NOX4: variants seen among roughly 807,000 people sequenced by gnomAD.
The protein encoded by NOX4 is kidney oxidase-1.
Under a neutral mutation model 87.6 loss-of-function variants are expected in NOX4, and 69 were observed. That is an observed-to-expected ratio of 0.79 (90% CI 0.65 to 0.96). The LOEUF (loss-of-function observed/expected upper bound fraction) is 0.96. Ranked by LOEUF, NOX4 falls within the 40% of genes least tolerant of loss-of-function variation. The pLI, the probability that NOX4 is intolerant of heterozygous loss-of-function variation, is 0.00. For missense variants in NOX4, 680 were observed against 681.5 expected, an observed-to-expected ratio of 1.00 and a Z score of 0.02; for synonymous variants, 275 against 238.2, an observed-to-expected ratio of 1.15 and a Z score of -1.42.
chr11:89,335,204 C>T (rs946379041), intron 17 of NOX4, among the ~76,000 whole-genome samples: 14 of 151,730 alleles, frequency 9.2e-5, no homozygotes, highest in Non-Finnish European at 1.6e-4. Flanking sequence ...CAGTGCTCTG[C>T]ACTATGATAA....
chr11:89,450,197 C>T (rs1032858565), intron 3 of NOX4, among the ~76,000 whole-genome samples: 1 of 152,114 alleles, frequency 6.6e-6, no homozygotes. Flanking sequence ...GGATCAAAAC[C>T]TAGCAGTTTA....
chr11:89,426,155 T>C (rs1045557435), intron 7 of NOX4, among the ~76,000 whole-genome samples: 1 of 152,146 alleles, frequency 6.6e-6, no homozygotes, highest in Non-Finnish European at 1.5e-5. Flanking sequence ...AAACAAACAA[T>C]TTCTCCAAAG....
intron 7 of NOX4, 28 bp from the exon 8 acceptor site, chr11:89,422,010 T>C (rs1267157450): frequency 1.7e-6 from 2 of 1,176,062 alleles, no homozygotes; most frequent in Non-Finnish European, 2.5e-6. Context: ...CTCATTTTAA[T>C]GCTACTTTAC....
At position 89,326,384 on chromosome 11, in the gene NOX4, T is replaced by C. The variant is rs1945220536; in HGVS notation, c.*372A>G. ...ATTTTTAATTTTGTTCAATCTTGCATTTGTTCAACCAAAAACAATTTAAAG... is the reference window on the plus strand; with the variant it reads ...ATTTTTAATTTTGTTCAATCTTGCACTTGTTCAACCAAAAACAATTTAAAG... On this transcript the variant is annotated 3_prime_UTR_variant, in exon 18 of 18. Coordinates refer to ENST00000263317, the MANE Select transcript of NOX4 (RefSeq NM_016931.5). 1 of 156,330 alleles carries C rather than the reference T, an allele frequency of 6.4e-6. No individual in the cohort carries two copies. Among genetic ancestry groups the C allele is most frequent in the African/African-American group, 2.4e-5 (1 of 41,522 alleles). 9.7% of individuals were successfully genotyped at this position (156,330 alleles called of 1,614,324 possible).
chr11:89,336,566 G>A (rs7947257), intron 16 of NOX4, among the ~76,000 whole-genome samples: 11,201 of 151,950 alleles, frequency 0.074, 714 homozygotes, highest in African/African-American at 0.17. Flanking sequence ...AATTAACAGA[G>A]CATTAGATCT....
intron 11 of NOX4, among the ~76,000 whole-genome samples, chr11:89,395,929 A>T (rs1378805646): frequency 1.3e-5 from 2 of 152,164 alleles, no homozygotes; most frequent in Non-Finnish European, 2.9e-5. Context: ...GTTTGAAGTC[A>T]GGTAGCATGA....
At chr11:89,567,355 C>T in the NOX4 span, among the ~76,000 whole-genome samples, 7 of 152,200 alleles carry the variant, frequency 4.6e-5, no homozygotes, top group Admixed American at 3.3e-4. Flanking sequence ...AAGCACCTGC[C>T]TATGGCCTCT....
the NOX4 span, chr11:89,545,799 T>G: frequency 6.6e-6 from 1 of 151,982 alleles, no homozygotes; most frequent in African/African-American, 2.4e-5. Context: ...GAGTGTCAGA[T>G]TTAACCAATG....
chr11:89,332,187 G>C (rs922101981), intron 17 of NOX4, among the ~76,000 whole-genome samples: 1 of 141,222 alleles, frequency 7.1e-6, no homozygotes, highest in South Asian at 2.1e-4. Context: ...TTATTCACTC[G>C]TTGTATTACA....
rs768934585 is a variant in NOX4 at position 89,326,803 on chromosome 11, T to A, written c.1690A>T (p.Asn564Tyr). 3 of 1,613,304 alleles carry A rather than the reference T, an allele frequency of 1.9e-6. No homozygotes were observed. The African/African-American group carries it at 4.0e-5, about 22-fold the overall frequency. The change falls in exon 18 of 18, where the codon AAC becomes TAC. Residue 564 changes from asparagine to tyrosine, a missense_variant. Asn to Tyr is a moderately radical substitution (Grantham distance 143). Transcript: ENST00000263317. ...KTLHKLSNQN[N>Y]SYGTRFEYNK... is the part of the protein sequence containing the mutation. Reference sequence around the variant, plus strand: ...TATTCAAATCTTGTCCCATATGAGTTGTTCTGGTTACTCAGTTTATGAAGA... The same window carrying A: ...TATTCAAATCTTGTCCCATATGAGTAGTTCTGGTTACTCAGTTTATGAAGA...
intron 13 of NOX4, among the ~76,000 whole-genome samples, chr11:89,343,385 A>G (rs1946084695): frequency 1.3e-5 from 2 of 152,118 alleles, no homozygotes; most frequent in South Asian, 2.1e-4. Flanking sequence ...GAAATGGGCT[A>G]AGTCCAGTAT....
rs780900491 is a variant in NOX4 at position 89,400,248 on chromosome 11, C to G, written c.978G>C (p.Met326Ile). The G allele has an allele frequency of 8.1e-6, 13 of 1,612,802 alleles. No homozygotes were observed. The highest frequency in any genetic ancestry group is 1.1e-5 in the Non-Finnish European group (13 of 1,179,262). Residue 326 changes from methionine (M) to isoleucine (I), a missense_variant, in exon 10 of 18, where the codon ATG becomes ATC. Coordinates refer to ENST00000263317, the MANE Select transcript of NOX4 (RefSeq NM_016931.5). ...GTCTTGCTTTAAAATTTTCTTTGAC[C>G]ATTCGGATTTCCATGACATCTGAGG... ...SHPSDVMEIRMVKENFKARPG... is the reference protein window; with the variant it reads ...SHPSDVMEIRIVKENFKARPG...
At chr11:89,407,252 A>T (rs575900747) in intron 8 of NOX4, among the ~76,000 whole-genome samples, 19 of 152,136 alleles carry the variant, frequency 1.2e-4, no homozygotes, top group Non-Finnish European at 2.2e-4. Flanking sequence ...GCTTTCATAA[A>T]CAAATGCTAA....
intron 3 of NOX4, among the ~76,000 whole-genome samples, chr11:89,449,788 T>G (rs1944873364): frequency 6.6e-6 from 1 of 152,010 alleles, no homozygotes. Flanking sequence ...AAAACTGCAC[T>G]GTGATCTTAT....
At chr11:89,483,026 C>T (rs555602343) in intron 2 of NOX4, among the ~76,000 whole-genome samples, 2 of 152,160 alleles carry the variant, frequency 1.3e-5, no homozygotes, top group South Asian at 2.1e-4. Context: ...GTTACCGAAC[C>T]ACTCAGAATC....
chr11:89,568,631 TGTTC>T, the NOX4 span, among the ~76,000 whole-genome samples: 1 of 152,376 alleles, frequency 6.6e-6, no homozygotes, highest in East Asian at 1.9e-4. Flanking sequence ...GATACAATGC[TGTTC>T]CTATCAAACT....
At chr11:89,407,635 G>A (rs191503502) in intron 8 of NOX4, among the ~76,000 whole-genome samples, 2 of 151,600 alleles carry the variant, frequency 1.3e-5, no homozygotes, top group Non-Finnish European at 2.9e-5. Flanking sequence ...CTATCTTGGT[G>A]TTTTTGTTGT....
intron 2 of NOX4, among the ~76,000 whole-genome samples, chr11:89,456,582 G>A (rs1203820984): frequency 6.6e-6 from 1 of 152,126 alleles, no homozygotes; most frequent in African/African-American, 2.4e-5. Context: ...CCCTGTAGGG[G>A]GCTGCTGAGC....
the NOX4 span, among the ~76,000 whole-genome samples, chr11:89,586,033 AT>A: frequency 1.3e-5 from 2 of 152,022 alleles, no homozygotes; most frequent in Non-Finnish European, 2.9e-5. Context: ...TTATGACAGT[AT>A]TTTGGATCAT....
Sources: allele counts gnomAD v4.1 joint callset (sites outside exome capture counted in the v4.1 genomes callset), GRCh38; gene constraint gnomAD v4.1.1; transcripts MANE v1.5; gene names NCBI Gene and HGNC (gene_info 2026-07-23, HGNC 2026-07-21).